TTN: variants seen among roughly 807,000 people sequenced by gnomAD.
TTN encodes connectin.
Under a neutral mutation model 3,223.0 loss-of-function variants are expected in TTN, and 1,525 were observed. The observed-to-expected ratio is 0.47, with a 90% CI of 0.45 to 0.49. The LOEUF (loss-of-function observed/expected upper bound fraction) is 0.49. Among genes scored for constraint, TTN ranks in the 20% least tolerant of loss-of-function variants. The probability of loss-of-function intolerance (pLI) is 0.00; values close to 1 mark genes in which losing one functional copy is unlikely to be tolerated. For synonymous variants in TTN, 14,094 were observed against 15,161.0 expected (o/e 0.93, Z 5.17); for missense variants, 40,786 against 43,424.0 (o/e 0.94, Z 5.40).
In TTN at chr2:178,578,627, A is replaced by G; in HGVS notation, c.68313T>C (p.Gly22771=). The change falls in exon 321 of 363, where the codon GGT becomes GGC. Residue 22771 remains glycine (G), a synonymous_variant. Transcript: ENST00000589042. The part of the protein sequence containing the change: ...SLTWTDPKKT[G]GSPITGYHLE... ...ACAAAATACCTGTAATTGGAGAACC[A>G]CCAGTTTTCTTGGGGTCAGTCCAAG... The G allele has an allele frequency of 6.2e-7, 1 of 1,611,298 alleles. No individual in the cohort carries two copies. Among genetic ancestry groups the G allele is most frequent in the Non-Finnish European group, 8.5e-7 (1 of 1,178,540 alleles).
At position 178,574,280 on chromosome 2, in the gene TTN, G is replaced by C; in HGVS notation, c.71852C>G (p.Thr23951Ser). The C allele has an allele frequency of 6.2e-7, 1 of 1,613,188 alleles. No homozygotes were observed. ...ATAACTGGTAATTTTAAAGCCCCCA[G>C]TATATTCAGGCTTAGCCCATTTAAG... The part of the protein sequence containing the change: ...VTLKWAKPEY[T>S]GGFKITSYIV... Residue 23951 changes from threonine (T) to serine (S), a missense_variant, in exon 326 of 363, where the codon ACT (threonine) becomes AGT (serine). Coordinates refer to ENST00000589042, the MANE Select transcript of TTN (RefSeq NM_001267550.2).
intron 223 of TTN, among the ~76,000 whole-genome samples, chr2:178,639,252 C>G (rs1035960526): frequency 1.3e-5 from 2 of 151,898 alleles, no homozygotes; most frequent in African/African-American, 4.8e-5. Flanking sequence ...CAATATTGTA[C>G]AACCATCAAC....
Position 178,547,039 on chromosome 2 carries a change from C to G in TTN, c.94486G>C (p.Glu31496Gln). 1 of 1,613,332 alleles carries G rather than the reference C, an allele frequency of 6.2e-7. No homozygotes were observed. Among genetic ancestry groups the G allele is most frequent in the Non-Finnish European group, 8.5e-7 (1 of 1,179,388 alleles). ...TGAGCCATTATAGGTCTTGAAGCTTCGCTGGCCTTGCTAACACCTGCAGCA... is the reference window on the plus strand; with the variant it reads ...TGAGCCATTATAGGTCTTGAAGCTTGGCTGGCCTTGCTAACACCTGCAGCA... ...LNAAGVSKAS[E>Q]ASRPIMAQNP... Residue 31496 changes from glutamate to glutamine, a missense_variant, in exon 340 of 363, where the codon GAA becomes CAA. Physicochemically the swap from Glu to Gln is conservative, Grantham distance 29 (BLOSUM62 2). Transcript: ENST00000589042.
chr2:178,785,919 T>C lies in TTN; in HGVS notation c.2299A>G (p.Arg767Gly). ...GTCTCAGAAGGAGCCTGGATTACTC[T>C]AGGCTTGACTGCTTTAGGGACAACG... ...PHVVPKAVKP[R>G]VIQAPSETHI... Residue 767 changes from arginine (R) to glycine (G), a missense_variant, in exon 14 of 363, where the codon AGA becomes GGA. Arg to Gly is a moderately radical substitution (Grantham distance 125, BLOSUM62 -2). Transcript: ENST00000589042. 1.2e-6 allele frequency: 2 copies of C among 1,614,146 alleles called. No individual in the cohort carries two copies. The highest frequency in any genetic ancestry group is 2.2e-5 in the South Asian group (2 of 91,078).
rs1704030695 is a variant in TTN at position 178,562,421 on chromosome 2, G to A, written c.83711C>T (p.Thr27904Ile). The A allele has an allele frequency of 1.2e-6, 2 of 1,612,962 alleles. No homozygotes were observed. The highest frequency in any genetic ancestry group is 4.5e-5 in the East Asian group (2 of 44,776). Residue 27904 changes from threonine to isoleucine, a missense_variant, in exon 326 of 363, where the codon ACT (threonine) becomes ATT (isoleucine). Transcript: ENST00000589042. ...KITGYVVEMQ[T>I]KGSEKWSTCT... ...GGTGCTCCACTTTTCACTCCCTTTA[G>A]TCTGCATTTCAACCACATAACCAGT...
chr2:178,562,208 T>C lies in TTN; in HGVS notation c.83924A>G (p.Lys27975Arg). The change falls in exon 326 of 363, where the codon AAG (lysine) becomes AGG (arginine). Residue 27975 changes from lysine (K) to arginine (R), a missense_variant. Coordinates refer to ENST00000589042, the MANE Select transcript of TTN (RefSeq NM_001267550.2). The stretch of plus-strand genomic sequence containing the variant: ...ATCAATCTTAAGTTGTTCTCTAGCC[T>C]TTACATTGAAAGTATGGAAAGGAAG... ...VELPFHTFNV[K>R]AREQLKIDVP... The C allele has an allele frequency of 6.2e-7, 1 of 1,612,574 alleles. No homozygotes were observed. The highest frequency in any genetic ancestry group is 8.5e-7 in the Non-Finnish European group (1 of 1,179,346).
chr2:178,530,340 C>T lies in TTN; in HGVS notation c.106275G>A (p.Gly35425=). 2.5e-6 allele frequency: 4 copies of T among 1,613,874 alleles called. No individual in the cohort carries two copies. Among genetic ancestry groups the T allele is most frequent in the Non-Finnish European group, 3.4e-6 (4 of 1,179,860 alleles). ...CTGAAGAAACAGTTGTATCCTGCAA[C>T]CCAGTAACAATTACTGGTTTTGAGG... ...PISSKPVIVT[G]LQDTTVSSDS... is the part of the protein sequence containing the mutation. Residue 35425 remains glycine, a synonymous_variant, in exon 358 of 363, where the codon GGG becomes GGA. Transcript: ENST00000589042.
intron 159 of TTN, among the ~76,000 whole-genome samples, 170 bp downstream of exon 159, chr2:178,669,203 T>C (rs2066523049): frequency 6.6e-6 from 1 of 152,212 alleles, no homozygotes; most frequent in South Asian, 2.1e-4. Flanking sequence ...TGAGGAAATA[T>C]AACTTGTCTG....
At position 178,575,993 on chromosome 2, in the gene TTN, T is replaced by C; in HGVS notation, c.70139A>G (p.Lys23380Arg). The part of the protein sequence containing the change: ...GRPAPEVTWT[K>R]DNINLKNRAN... The stretch of plus-strand genomic sequence containing the variant: ...TCGGTTTTTCAGGTTGATGTTATCT[T>C]TGGTCCATGTCACTTCAGGAGCAGG... Residue 23380 changes from lysine (K) to arginine (R), a missense_variant, in exon 326 of 363, where the codon AAA becomes AGA. Lys to Arg is a conservative substitution (Grantham distance 26, BLOSUM62 2). Transcript: ENST00000589042. This position sits in a 1 kb window ranked among gnomAD's most constrained non-coding sequence, Gnocchi z 4.0. The C allele has an allele frequency of 6.2e-7, 1 of 1,611,942 alleles. No individual in the cohort carries two copies. The highest frequency in any genetic ancestry group is 8.5e-7 in the Non-Finnish European group (1 of 1,178,332).
Position 178,583,766 on chromosome 2 carries a change from G to A in TTN, c.65416C>T (p.Arg21806Trp), listed in dbSNP as rs778703530. ...ATCTGGTGAGGTGCAGTATTGCACC[G>A]TACCCATTTATCACCAGGAAGTTTG... is the stretch of plus-strand genomic sequence containing the variant. ...ACKLPGDKWV[R>W]CNTAPHQIPQ... Residue 21806 changes from arginine (R) to tryptophan (W), a missense_variant, in exon 312 of 363, where the codon CGG (arginine) becomes TGG (tryptophan). Coordinates refer to ENST00000589042, the MANE Select transcript of TTN (RefSeq NM_001267550.2). 8.8e-5 allele frequency: 142 copies of A among 1,611,054 alleles called. No homozygotes were observed. Among genetic ancestry groups the A allele is most frequent in the East Asian group, 1.6e-4 (7 of 44,538 alleles).
chr2:178,571,500 CACA>C lies in TTN; in HGVS notation c.74629_74631del (p.Cys24877del). ...TCAGCTGCAATTCTAAACTGATATT[CACA>C]TCCAGTCTTCAGTCTGCAAGCCTTT... On this transcript the variant is annotated inframe_deletion, in exon 326 of 363. Coordinates refer to ENST00000589042, the MANE Select transcript of TTN (RefSeq NM_001267550.2). 2 of 1,613,274 alleles carry C rather than the reference CACA, an allele frequency of 1.2e-6. No individual in the cohort carries two copies. The highest frequency in any genetic ancestry group is 1.7e-6 in the Non-Finnish European group (2 of 1,179,566).
intron 231 of TTN, 44 bp downstream of exon 231, chr2:178,633,773 A>G (rs1395861110): frequency 2.5e-6 from 4 of 1,607,978 alleles, no homozygotes; most frequent in Non-Finnish European, 3.4e-6. Context: ...CCCCACTCCC[A>G]TGATTCAGAA....
At chr2:178,749,172 C>T (rs761063646) in intron 47 of TTN, 10 of 1,611,690 alleles carry the variant, frequency 6.2e-6, no homozygotes, top group South Asian at 5.5e-5. Flanking sequence ...CATTCTTGTA[C>T]ATTTTCCTTT....
At position 178,745,929 on chromosome 2, in the gene TTN, T is replaced by G. The variant is rs191751905; in HGVS notation, c.11312-4008A>C. The G allele has an allele frequency of 1.2e-5, 19 of 1,608,900 alleles. No homozygotes were observed. In the Admixed American group the frequency reaches 2.3e-4, roughly 20 times the overall value. On this transcript the variant is annotated intron_variant, in intron 47 of 362. Transcript: ENST00000589042. ...TTGCTCTTTAAGACCAATTCTTCCA[T>G]TAAACTGCTTAAAGTCACTTTGCTT...
Position 178,710,667 on chromosome 2 carries a change from T to C in TTN, c.28430A>G (p.Lys9477Arg). ...ATTCAGCTGAGCTGTGCAAGAGTCT[T>C]TTCCCACTTCATTCACAGCATAGCA... Reference protein sequence around the residue: ...YTCYAVNEVGKDSCTAQLNIK... With the variant: ...YTCYAVNEVGRDSCTAQLNIK... Residue 9477 changes from lysine to arginine, a missense_variant, in exon 98 of 363, where the codon AAA becomes AGA. Transcript: ENST00000589042. The C allele has an allele frequency of 1.2e-6, 2 of 1,612,850 alleles. No homozygotes were observed. Among genetic ancestry groups the C allele is most frequent in the Middle Eastern group, 1.9e-4 (1 of 5,314 alleles).
rs371495674 is a variant in TTN, at chr2:178,727,697, C to T, written c.19881G>A (p.Ser6627=). 120 of 1,613,158 alleles carry T rather than the reference C, an allele frequency of 7.4e-5. No homozygotes were observed. Among genetic ancestry groups the T allele is most frequent in the African/African-American group, 9.3e-5 (7 of 74,938 alleles). Residue 6627 remains serine, a synonymous_variant, in exon 68 of 363, where the codon TCG becomes TCA. Coordinates refer to ENST00000589042, the MANE Select transcript of TTN (RefSeq NM_001267550.2). ...CTGAGTAGAGATTTAAGAAGCTAGTCGACCCTTCCAAGCCAATGAAACATT... is the reference window on the plus strand; with the variant it reads ...CTGAGTAGAGATTTAAGAAGCTAGTTGACCCTTCCAAGCCAATGAAACATT... ...GPKCFIGLEG[S]TSFLNLYSVD...
chr2:178,794,520 A>ACAGCTG lies in TTN; in HGVS notation c.1271_1276dup (p.Ala424_Ala425dup), dbSNP rs755050163. The ACAGCTG allele has an allele frequency of 2.5e-6, 4 of 1,614,108 alleles. No homozygotes were observed. Among genetic ancestry groups the ACAGCTG allele is most frequent in the Non-Finnish European group, 3.4e-6 (4 of 1,180,008 alleles). Reference sequence around the variant, plus strand: ...ATCAACGGCAGCAACAACAGTCGCAACAGCTGCACTTTTGTCAGCATCTTG... The same window carrying ACAGCTG: ...ATCAACGGCAGCAACAACAGTCGCAACAGCTGCAGCTGCACTTTTGTCAGCATCTTG... On this transcript the variant is annotated inframe_insertion, in exon 8 of 363. Transcript: ENST00000589042.
At chr2:178,640,196 C>G in intron 221 of TTN, 86 bp from the exon 222 acceptor site, 1 of 1,214,920 alleles carries the variant, frequency 8.2e-7, no homozygotes, top group Non-Finnish European at 1.2e-6. Context: ...GCCCACGTAT[C>G]TTGGAAGATA....
intron 6 of TTN, among the ~76,000 whole-genome samples, chr2:178,797,438 C>CT (rs199764095): frequency 2.0e-5 from 3 of 151,258 alleles, no homozygotes; most frequent in African/African-American, 7.3e-5. Flanking sequence ...TATCTTTTGT[C>CT]TTTTTTTGTG....
Sources: gnomAD v4.1 joint callset for allele counts (sites outside exome capture counted in the v4.1 genomes callset) on GRCh38, gnomAD v4.1.1 for gene constraint, Gnocchi (gnomAD v3.1) non-coding constraint, MANE v1.5 for transcripts, NCBI Gene and HGNC (gene_info 2026-07-23, HGNC 2026-07-21) for gene names.